The following SDC2 variants were observed in gnomAD, a reference collection of about 807,000 sequenced individuals.
SDC2 encodes the protein syndecan-2.
A neutral mutation model predicts 22.2 loss-of-function variants in SDC2; 13 were observed. The ratio of observed to expected loss-of-function variants is 0.59; its 90% CI spans 0.38 to 0.93. The LOEUF (loss-of-function observed/expected upper bound fraction) is 0.93. Ranked by LOEUF, SDC2 falls within the 40% of genes least tolerant of loss-of-function variation. The pLI is 0.00. For synonymous variants in SDC2, 94 were observed against 92.8 expected (o/e 1.01, Z -0.07); for missense variants, 235 against 246.8 (o/e 0.95, Z 0.32).
intron 1 of SDC2, among the ~76,000 whole-genome samples, chr8:96,496,955 G>A (rs566139736): frequency 6.6e-6 from 1 of 152,328 alleles, no homozygotes; most frequent in Admixed American, 6.5e-5. Context: ...ATCTGACTGA[G>A]TGTGGCAGTA....
At chr8:96,591,782 C>G (rs1478780706) in intron 1 of SDC2, among the ~76,000 whole-genome samples, 1 of 151,932 alleles carries the variant, frequency 6.6e-6, no homozygotes, top group African/African-American at 2.4e-5. Context: ...CGGAGAATGG[C>G]TTTTTCATGG....
intron 1 of SDC2, among the ~76,000 whole-genome samples, chr8:96,502,120 A>G (rs1813175609): frequency 6.6e-6 from 1 of 152,222 alleles, no homozygotes; most frequent in Non-Finnish European, 1.5e-5. Context: ...ATGGACTCAC[A>G]GTTCCACATG....
intron 1 of SDC2, among the ~76,000 whole-genome samples, chr8:96,563,950 A>G (rs1240587806): frequency 1.3e-5 from 2 of 152,210 alleles, no homozygotes; most frequent in Non-Finnish European, 2.9e-5. Flanking sequence ...ACACTCTGTC[A>G]TTACAGACCA....
intron 1 of SDC2, among the ~76,000 whole-genome samples, chr8:96,547,552 A>G (rs1376463172): frequency 2.0e-5 from 3 of 152,108 alleles, no homozygotes; most frequent in Admixed American, 6.5e-5. Flanking sequence ...TCTTGATGCT[A>G]GTGTGCACGC....
At chr8:96,525,436 C>G (rs1203041495) in intron 1 of SDC2, among the ~76,000 whole-genome samples, 1 of 152,152 alleles carries the variant, frequency 6.6e-6, no homozygotes, top group Non-Finnish European at 1.5e-5. Flanking sequence ...CTTATCAGAG[C>G]CCCCTTCCCA....
In SDC2 at chr8:96,602,461, C is replaced by G. The variant is rs754124651; in HGVS notation, c.239C>G (p.Thr80Ser). Residue 80 changes from threonine to serine, a missense_variant, in exon 3 of 5, where the codon ACT (threonine) becomes AGT (serine). Thr to Ser is a moderately conservative substitution (Grantham distance 58, BLOSUM62 1). Coordinates refer to ENST00000302190, the MANE Select transcript of SDC2 (RefSeq NM_002998.4). ...TSRPLPKILLTSAAPKVETTT... is the reference protein window; with the variant it reads ...TSRPLPKILLSSAAPKVETTT... ...CGACCACTTCCAAAGATACTGTTGACTAGTGCTGCTCCAAAAGTGGAAACC... is the reference window on the plus strand; with the variant it reads ...CGACCACTTCCAAAGATACTGTTGAGTAGTGCTGCTCCAAAAGTGGAAACC... The G allele has an allele frequency of 5.0e-6, 8 of 1,614,010 alleles. No individual in the cohort carries two copies. The highest frequency in any genetic ancestry group is 2.2e-5 in the South Asian group (2 of 91,084).
At chr8:96,544,664 T>A (rs1813904280) in intron 1 of SDC2, among the ~76,000 whole-genome samples, 1 of 152,132 alleles carries the variant, frequency 6.6e-6, no homozygotes, top group African/African-American at 2.4e-5. Flanking sequence ...CATTTCTCAT[T>A]CATCTTGGTG....
At position 96,575,122 on chromosome 8, in the gene SDC2, G is replaced by A. The variant is rs7816688; in HGVS notation, c.61-18358G>A. ...CCTGGTTCCTAACAGGCCACGGATC[G>A]GTATTGGTCTGTGGCCTGGGGGTTG... On this transcript the variant is annotated intron_variant, in intron 1 of 4. Transcript: ENST00000302190. 1.6e-3 allele frequency among the ~76,000 whole-genome samples: 242 copies of A among 152,254 alleles called. 2 individuals carry two copies. The highest frequency in any genetic ancestry group is 5.6e-3 in the African/African-American group (231 of 41,540).
chr8:96,531,206 G>GA (rs1429238933), intron 1 of SDC2, among the ~76,000 whole-genome samples: 1 of 152,194 alleles, frequency 6.6e-6, no homozygotes, highest in East Asian at 1.9e-4. Context: ...GTTACACAGT[G>GA]AATTAGTGAC....
chr8:96,579,085 G>T (rs539614972), intron 1 of SDC2, among the ~76,000 whole-genome samples: 1 of 152,348 alleles, frequency 6.6e-6, no homozygotes, highest in Admixed American at 6.5e-5. Flanking sequence ...TTCTTTGCCA[G>T]CACTTCGGAT....
At chr8:96,564,824 A>G (rs911123027) in intron 1 of SDC2, among the ~76,000 whole-genome samples, 2 of 152,004 alleles carry the variant, frequency 1.3e-5, no homozygotes, top group African/African-American at 4.8e-5. Context: ...TGCTTTGGGA[A>G]AGCACCCTGC....
At chr8:96,559,719 T>C (rs1814176420) in intron 1 of SDC2, among the ~76,000 whole-genome samples, 1 of 152,180 alleles carries the variant, frequency 6.6e-6, no homozygotes, top group Admixed American at 6.5e-5. Flanking sequence ...GTAGTCTCCA[T>C]TCTCTAAGAA....
chr8:96,571,009 G>A lies in SDC2; in HGVS notation c.61-22471G>A, dbSNP rs992218406. On this transcript the variant is annotated intron_variant, in intron 1 of 4. Transcript: ENST00000302190. ...GGTAATGGTTGCACAACGGTGTGACGATACTGAATGCCGCTGAACTATACA... is the reference window on the plus strand; with the variant it reads ...GGTAATGGTTGCACAACGGTGTGACAATACTGAATGCCGCTGAACTATACA... Among the ~76,000 whole-genome samples the A allele has an allele frequency of 3.3e-5, 5 of 152,302 alleles. No homozygotes were observed. The South Asian group carries it at 6.2e-4, about 19-fold the overall frequency.
chr8:96,564,786 A>G (rs1814269602), intron 1 of SDC2, among the ~76,000 whole-genome samples: 1 of 152,132 alleles, frequency 6.6e-6, no homozygotes, highest in Non-Finnish European at 1.5e-5. Flanking sequence ...CACATCCCAT[A>G]GGTAAGTGAT....
Position 96,563,915 on chromosome 8 carries a change from AT to A in SDC2, c.61-29562del, listed in dbSNP as rs372591918. ...GCATGTTGGGTGAGGACACTTACAT[AT>A]TTAGCTGTGAGCCACTGGCGGCTAC... On this transcript the variant is annotated intron_variant, in intron 1 of 4. Coordinates refer to ENST00000302190, the MANE Select transcript of SDC2 (RefSeq NM_002998.4). 3.3e-5 allele frequency among the ~76,000 whole-genome samples: 5 copies of A among 152,308 alleles called. No homozygotes were observed. The East Asian group carries it at 7.7e-4, about 23-fold the overall frequency.
intron 1 of SDC2, among the ~76,000 whole-genome samples, chr8:96,534,122 C>T (rs1256333333): frequency 6.6e-6 from 1 of 152,232 alleles, no homozygotes; most frequent in Non-Finnish European, 1.5e-5. Flanking sequence ...CTGCCGAGCC[C>T]ACGCCCACCT....
chr8:96,513,386 C>A (rs1316546831), intron 1 of SDC2, among the ~76,000 whole-genome samples: 1 of 152,138 alleles, frequency 6.6e-6, no homozygotes, highest in Non-Finnish European at 1.5e-5. Flanking sequence ...TGTTTCTCTC[C>A]TTTGAGCATT....
At chr8:96,516,853 A>G (rs773759396) in intron 1 of SDC2, among the ~76,000 whole-genome samples, 11 of 152,034 alleles carry the variant, frequency 7.2e-5, no homozygotes, top group Non-Finnish European at 1.6e-4. Flanking sequence ...GGTTGTTTCA[A>G]CCTTTTGGCT....
intron 1 of SDC2, among the ~76,000 whole-genome samples, chr8:96,530,886 T>C (rs1813651144): frequency 6.6e-6 from 1 of 152,208 alleles, no homozygotes. Context: ...ATGGCGGAGC[T>C]AAGATGGACC....
Sources: allele counts gnomAD v4.1 joint callset (sites outside exome capture counted in the v4.1 genomes callset), GRCh38; gene constraint gnomAD v4.1.1; transcripts MANE v1.5; gene names NCBI Gene and HGNC (gene_info 2026-07-23, HGNC 2026-07-21).